The following LZTR1 variants were observed in gnomAD, a reference collection of about 807,000 sequenced individuals.
The protein encoded by LZTR1 is leucine-zipper-like transcriptional regulator 1.
In LZTR1, 260 loss-of-function variants were observed where a neutral mutation model predicts 105.7. The observed-to-expected ratio is 2.46, with a 90% CI of 2.22 to 2.72. The LOEUF is 2.72. LZTR1 is among the 30% of genes most tolerant of loss of function. LZTR1 has a pLI of 0.00. For synonymous variants in LZTR1, 490 were observed against 476.4 expected (o/e 1.03, Z -0.37); for missense variants, 1,214 against 1,166.9 (o/e 1.04, Z -0.59).
Position 20,994,691 on chromosome 22 carries a change from C to A in LZTR1, c.1749C>A (p.Cys583Ter). The change falls in exon 15 of 21, where the codon TGC becomes TGA. Residue 583 changes from cysteine (C) to a stop codon, truncating the protein, a stop_gained. Coordinates refer to ENST00000646124, the MANE Select transcript of LZTR1 (RefSeq NM_006767.4). LOFTEE classifies it high-confidence loss of function. ...SVDLQNVLVV[C>*]ESAARLQLSQ... is the part of the protein sequence containing the mutation. ...ACCTGCAGAACGTGCTGGTTGTGTGCGAGAGTGCCGCCCGGCTGCAGCTGA... is the reference window on the plus strand; with the variant it reads ...ACCTGCAGAACGTGCTGGTTGTGTGAGAGAGTGCCGCCCGGCTGCAGCTGA... 1 of 1,612,570 alleles carries A rather than the reference C, an allele frequency of 6.2e-7. No individual in the cohort carries two copies. Among genetic ancestry groups the A allele is most frequent in the South Asian group, 1.1e-5 (1 of 91,090 alleles).
At position 20,991,722 on chromosome 22, in the gene LZTR1, C is replaced by A; in HGVS notation, c.886C>A (p.Leu296Ile). 6.3e-7 allele frequency: 1 copy of A among 1,586,196 alleles called. No homozygotes were observed. The highest frequency in any genetic ancestry group is 8.6e-7 in the Non-Finnish European group (1 of 1,166,632). The change falls in exon 9 of 21, where the codon CTC becomes ATC. Residue 296 changes from leucine (L) to isoleucine (I), a missense_variant. Leu to Ile is a conservative substitution (Grantham distance 5). Coordinates refer to ENST00000646124, the MANE Select transcript of LZTR1 (RefSeq NM_006767.4). ...TACCATGGTGGCCTTTGACCGCCAC[C>A]TCTATGTGTTTGGGGGTGCGGCCGA... ...GHTMVAFDRH[L>I]YVFGGAADNT...
chr22:20,988,188 C>T, intron 5 of LZTR1, 70 bp downstream of exon 5: 1 of 979,404 alleles, frequency 1.0e-6, no homozygotes, highest in Non-Finnish European at 1.6e-6. Context: ...GATCTGCCCC[C>T]TTTTGCCTCC....
rs1924462201 is a variant in LZTR1, at chr22:20,988,077, GTTTGCAAC to G, written c.470_477del (p.Phe157TrpfsTer9). On this transcript the variant is annotated frameshift_variant, in exon 5 of 21. Coordinates refer to ENST00000646124, the MANE Select transcript of LZTR1 (RefSeq NM_006767.4). LOFTEE classifies it high-confidence loss of function. ...ATAAAAACGACCTCTTTGAATACAA[GTTTGCAAC>G]TGGCCAGTGGACGGAGTGGAAAATT... is the stretch of plus-strand genomic sequence containing the variant. The G allele has an allele frequency of 6.2e-7, 1 of 1,613,528 alleles. No individual in the cohort carries two copies. The highest frequency in any genetic ancestry group is 1.3e-5 in the African/African-American group (1 of 75,024).
rs771188127 is a variant in LZTR1 at position 20,989,660 on chromosome 22, G to A, written c.629G>A (p.Arg210Gln). 1.9e-6 allele frequency: 3 copies of A among 1,613,008 alleles called. No homozygotes were observed. Among genetic ancestry groups the A allele is most frequent in the South Asian group, 1.1e-5 (1 of 91,064 alleles). Residue 210 changes from arginine to glutamine, a missense_variant, in exon 7 of 21, where the codon CGA (arginine) becomes CAA (glutamine). Transcript: ENST00000646124. ...ATGTGGACAATTGGCCTCCAGGACC[G>A]AGAGCTCACCTGCTGGGAGGAGGTG... ...NDMWTIGLQD[R>Q]ELTCWEEVAQ...
chr22:20,996,805 G>GC lies in LZTR1; in HGVS notation c.2325+10dup, dbSNP rs1480873004. The GC allele has an allele frequency of 1.2e-6, 2 of 1,613,396 alleles. No individual in the cohort carries two copies. The highest frequency in any genetic ancestry group is 1.1e-5 in the South Asian group (1 of 91,076). ...GACGGTGCAGAACGTGCTGCAGGTA[G>GC]CCCCCCAGCCCCGTGCACATGGCTG... On this transcript the variant is annotated splice_donor_region_variant and intron_variant, in intron 19 of 20. Transcript: ENST00000646124.
chr22:20,996,621 C>T (rs979008272), intron 18 of LZTR1, 75 bp from the exon 19 acceptor site: 36 of 1,243,908 alleles, frequency 2.9e-5, no homozygotes, highest in Non-Finnish European at 4.0e-5. Context: ...GCTCCAGCTG[C>T]GCCCTTCCCT....
chr22:20,994,502 C>T, intron 14 of LZTR1, 56 bp from the exon 15 acceptor site: 3 of 1,571,416 alleles, frequency 1.9e-6, no homozygotes, highest in Non-Finnish European at 2.6e-6. Flanking sequence ...GCCCTGCGCC[C>T]TGTGCCCTGC....
chr22:20,992,513 T>TGTA, intron 10 of LZTR1, 144 bp downstream of exon 10: 9 of 994,422 alleles, frequency 9.1e-6, no homozygotes, highest in Non-Finnish European at 1.3e-5. Context: ...CCAAGGGCCC[T>TGTA]CACCCTGCTG....
intron 2 of LZTR1, among the ~76,000 whole-genome samples, chr22:20,984,610 A>AC (rs1555927160): frequency 5.1e-5 from 1 of 19,732 alleles, no homozygotes; most frequent in Non-Finnish European, 1.1e-4. Context: ...GGGGCAAGTA[A>AC]GGAGGGGGGG....
At chr22:20,993,521 C>G in intron 11 of LZTR1, 141 bp from the exon 12 acceptor site, 1 of 652,212 alleles carries the variant, frequency 1.5e-6, no homozygotes, top group South Asian at 1.8e-5. Flanking sequence ...CGGCTGCTTC[C>G]TCTCCTCAGC....
At chr22:20,989,442 T>G (rs1327750484) in intron 6 of LZTR1, among the ~76,000 whole-genome samples, 183 bp from the exon 7 acceptor site, 1 of 152,108 alleles carries the variant, frequency 6.6e-6, no homozygotes, top group African/African-American at 2.4e-5. Context: ...GCAGGGGGCC[T>G]GGCACAGCAG....
chr22:20,996,450 T>G (rs1186893376), intron 18 of LZTR1: 2 of 593,454 alleles, frequency 3.4e-6, no homozygotes, highest in African/African-American at 3.7e-5. Flanking sequence ...AGGGTCAGGA[T>G]GCCTGTTAGG....
At position 20,998,494 on chromosome 22, in the gene LZTR1, G is replaced by C. The variant is rs558670145; in HGVS notation, c.*1146G>C. On this transcript the variant is annotated 3_prime_UTR_variant, in exon 21 of 21. Transcript: ENST00000646124. ...AACAGGATTCCAGGACCCCTTTCTT[G>C]TTGTGGCTGCCATGAAGCCACAGCT... 2.6e-5 allele frequency: 4 copies of C among 152,442 alleles called. No individual in the cohort carries two copies. Among genetic ancestry groups the C allele is most frequent in the East Asian group, 3.9e-4 (2 of 5,184 alleles). 9.4% of individuals were successfully genotyped at this position (152,442 alleles called of 1,614,324 possible). A position where few individuals can be genotyped will look rare whatever the true frequency, so the allele number is the denominator to read the frequency against.
At position 20,991,665 on chromosome 22, in the gene LZTR1, T is replaced by TC; in HGVS notation, c.833dup (p.Pro279ThrfsTer15). On this transcript the variant is annotated frameshift_variant, in exon 9 of 21. Coordinates refer to ENST00000646124, the MANE Select transcript of LZTR1 (RefSeq NM_006767.4). LOFTEE classifies it high-confidence loss of function. ...CCCAACTGAACACCTGCTCCGGGGCTCCCCACCACCCCCGCAGCGGCGCTA... is the reference window on the plus strand; with the variant it reads ...CCCAACTGAACACCTGCTCCGGGGCTCCCCCACCACCCCCGCAGCGGCGCTA... 1 of 1,603,122 alleles carries TC rather than the reference T, an allele frequency of 6.2e-7. No homozygotes were observed. Among genetic ancestry groups the TC allele is most frequent in the Non-Finnish European group, 8.5e-7 (1 of 1,177,702 alleles).
At position 20,989,500 on chromosome 22, in the gene LZTR1, G is replaced by T. The variant is rs1924518118; in HGVS notation, c.594-125G>T. On this transcript the variant is annotated intron_variant, in intron 6 of 20. Coordinates refer to ENST00000646124, the MANE Select transcript of LZTR1 (RefSeq NM_006767.4). ...CCCCACACAGAAGTTCCCGCCTCAT[G>T]GCCGCACAAGTCTCCTACCCTGTGT... 6 of 814,462 alleles carry T rather than the reference G, an allele frequency of 7.4e-6. 1 individual carries two copies. The Admixed American group carries it at 1.1e-4, about 14-fold the overall frequency. 50.5% of individuals were successfully genotyped at this position (814,462 alleles called of 1,614,324 possible).
chr22:20,995,676 A>C, intron 16 of LZTR1, 70 bp from the exon 17 acceptor site: 2 of 1,583,486 alleles, frequency 1.3e-6, no homozygotes, highest in South Asian at 1.1e-5. Flanking sequence ...GATATGCAGG[A>C]AGGTAGTGCC....
chr22:20,990,766 C>T (rs540314714), intron 8 of LZTR1: 17 of 484,434 alleles, frequency 3.5e-5, no homozygotes, highest in African/African-American at 1.6e-4. Context: ...TCCCTCTGAA[C>T]GTGAAGGACG....
In LZTR1 at chr22:20,992,340, G is replaced by A; in HGVS notation, c.1120G>A (p.Ala374Thr). ...TGGCCTGGACTTTGGCACCACCTCA[G>A]CCAAGCAGCCCACCCAGCCTGCCTC... ...VFGLDFGTTS[A>T]KQPTQPASEL... Residue 374 changes from alanine to threonine, a missense_variant, in exon 10 of 21, where the codon GCC (alanine) becomes ACC (threonine). Ala to Thr is a moderately conservative substitution (Grantham distance 58). Coordinates refer to ENST00000646124, the MANE Select transcript of LZTR1 (RefSeq NM_006767.4). 6.2e-7 allele frequency: 1 copy of A among 1,613,746 alleles called. No homozygotes were observed. The highest frequency in any genetic ancestry group is 1.7e-5 in the Admixed American group (1 of 60,004).
At position 20,993,449 on chromosome 22, in the gene LZTR1, C is replaced by G. The variant is rs1236169578; in HGVS notation, c.1261-213C>G. The G allele has an allele frequency of 6.8e-6, 4 of 589,532 alleles. No individual in the cohort carries two copies. In the East Asian group the frequency reaches 1.1e-4, roughly 16 times the overall value. The allele number at this position is 589,532 out of a possible 1,614,324, so 36.5% of individuals were successfully genotyped here. ...AGGGGAGCCCTTTCCTGCTGTGGAGCCGGCCGTGGACAGTTGCAGGTGCTG... is the reference window on the plus strand; with the variant it reads ...AGGGGAGCCCTTTCCTGCTGTGGAGGCGGCCGTGGACAGTTGCAGGTGCTG... On this transcript the variant is annotated intron_variant, in intron 11 of 20. Transcript: ENST00000646124.
Sources: allele counts gnomAD v4.1 joint callset (sites outside exome capture counted in the v4.1 genomes callset), GRCh38; gene constraint gnomAD v4.1.1; transcripts MANE v1.5; gene names NCBI Gene and HGNC (gene_info 2026-07-23, HGNC 2026-07-21).